PRSS55: variants seen among roughly 807,000 people sequenced by gnomAD.
PRSS55 encodes the protein probable serine protease UNQ9391/PRO34284.
PRSS55 carries 41 observed loss-of-function variants against 23.6 expected under a neutral mutation model. That is an observed-to-expected ratio of 1.74 (90% confidence interval 1.35 to 2.26). The LOEUF is 2.26. Among genes scored for constraint, PRSS55 ranks in the 30% most tolerant of loss-of-function variants. PRSS55 has a pLI of 0.00. For synonymous variants in PRSS55, 262 were observed against 175.5 expected, an observed-to-expected ratio of 1.49 and a Z score of -3.90; for missense variants, 669 against 439.1, an observed-to-expected ratio of 1.52 and a Z score of -4.68.
At chr8:10,553,248 T>A (rs1812990501) in intron 4 of PRSS55, among the ~76,000 whole-genome samples, 1 of 152,234 alleles carries the variant, frequency 6.6e-6, no homozygotes, top group African/African-American at 2.4e-5. Context: ...TTCACTCTCA[T>A]CTTCTGCCAT....
intron 4 of PRSS55, among the ~76,000 whole-genome samples, chr8:10,537,611 A>G (rs1033900455): frequency 3.3e-5 from 5 of 152,224 alleles, no homozygotes; most frequent in Admixed American, 2.6e-4. Flanking sequence ...AAACGTTCTT[A>G]ATACAAAGAA....
At chr8:10,546,543 C>T (rs1199962087) in intron 4 of PRSS55, among the ~76,000 whole-genome samples, 1 of 152,194 alleles carries the variant, frequency 6.6e-6, no homozygotes, top group Non-Finnish European at 1.5e-5. Context: ...AACCCAGCCT[C>T]AGGCAGCTCC....
chr8:10,530,224 C>G (rs1465902392), intron 2 of PRSS55, among the ~76,000 whole-genome samples: 1 of 152,206 alleles, frequency 6.6e-6, no homozygotes, highest in Admixed American at 6.5e-5. Flanking sequence ...CATCCCAGCA[C>G]TTCGGGAGGC....
intron 1 of PRSS55, 100 bp downstream of exon 1, chr8:10,525,839 C>G (rs76472837): frequency 0.074 from 92,826 of 1,262,902 alleles, 3,828 homozygotes; most frequent in Non-Finnish European, 0.084. Flanking sequence ...AGCTCCAGGG[C>G]TCCCCACATA....
At chr8:10,525,765 G>C (rs1331798249) in intron 1 of PRSS55, 26 bp downstream of exon 1, 1 of 1,564,566 alleles carries the variant, frequency 6.4e-7, no homozygotes, top group East Asian at 2.4e-5. Context: ...GAAGGGGCAT[G>C]GATGGGGGCT....
At chr8:10,549,194 T>A (rs1215035270) in intron 4 of PRSS55, among the ~76,000 whole-genome samples, 2 of 152,108 alleles carry the variant, frequency 1.3e-5, no homozygotes, top group African/African-American at 2.4e-5. Flanking sequence ...CGGGGGCAGA[T>A]GAAGGATGGA....
intron 1 of PRSS55, among the ~76,000 whole-genome samples, chr8:10,529,026 T>G (rs183154283): frequency 9.3e-4 from 142 of 152,302 alleles, no homozygotes; most frequent in African/African-American, 3.2e-3. Context: ...CAGCATCACG[T>G]TCCCACTCTG....
chr8:10,531,245 G>A (rs1812246247), intron 2 of PRSS55, 50 bp from the exon 3 acceptor site: 2 of 1,603,156 alleles, frequency 1.2e-6, no homozygotes, highest in Non-Finnish European at 1.7e-6. Context: ...TGCCGCTTTT[G>A]AGACTTCCCT....
rs778087515 is a variant in PRSS55, at chr8:10,538,780, C to T, written c.1046C>T (p.Ala349Val). The T allele has an allele frequency of 1.9e-6, 3 of 1,563,138 alleles. No homozygotes were observed. In the Admixed American group the frequency reaches 6.0e-5, roughly 31 times the overall value. ...CCCCTGTCCCATGTGTTGTTCAGAGCTATTTTGTACTGATAATAAAATAGA... is the reference window on the plus strand; with the variant it reads ...CCCCTGTCCCATGTGTTGTTCAGAGTTATTTTGTACTGATAATAAAATAGA... The part of the protein sequence containing the change: ...LCPLSHVLFR[A>V]ILY Residue 349 changes from alanine (A) to valine (V), a missense_variant, in exon 5 of 5, where the codon GCT (alanine) becomes GTT (valine). By Grantham distance (64) the Ala-to-Val change is moderately conservative. Coordinates refer to ENST00000328655, the MANE Select transcript of PRSS55 (RefSeq NM_198464.4).
rs142994737 is a variant in PRSS55 at position 10,538,553 on chromosome 8, A to T, written c.819A>T (p.Gly273=). ...ACCAGGTGGGCATCATAAGCTGGGG[A>T]AAGAGCTGTGGAGAGAAGAACACCC... ...KWYQVGIISW[G]KSCGEKNTPG... The change falls in exon 5 of 5, where the codon GGA becomes GGT. Residue 273 remains glycine (G), a synonymous_variant. Coordinates refer to ENST00000328655, the MANE Select transcript of PRSS55 (RefSeq NM_198464.4). The T allele has an allele frequency of 3.7e-6, 6 of 1,613,982 alleles. No individual in the cohort carries two copies. Among genetic ancestry groups the T allele is most frequent in the Admixed American group, 3.3e-5 (2 of 60,000 alleles).
At chr8:10,546,371 C>G (rs552143532) in intron 4 of PRSS55, among the ~76,000 whole-genome samples, 1 of 152,316 alleles carries the variant, frequency 6.6e-6, no homozygotes, top group Admixed American at 6.5e-5. Flanking sequence ...CCCTATAACC[C>G]TCAGCGCTAG....
At chr8:10,530,332 G>A (rs1371873703) in intron 2 of PRSS55, among the ~76,000 whole-genome samples, 1 of 152,314 alleles carries the variant, frequency 6.6e-6, no homozygotes, top group East Asian at 1.9e-4. Flanking sequence ...AAAATTAGCT[G>A]GGCGCGGTGG....
rs377046911 is a variant in PRSS55, at chr8:10,532,172, C to T, written c.598+627C>T. 1.1e-3 allele frequency among the ~76,000 whole-genome samples: 165 copies of T among 152,238 alleles called. 2 individuals carry two copies. Among genetic ancestry groups the T allele is most frequent in the African/African-American group, 2.5e-3 (104 of 41,534 alleles). On this transcript the variant is annotated intron_variant, in intron 3 of 4. Coordinates refer to ENST00000328655, the MANE Select transcript of PRSS55 (RefSeq NM_198464.4). ...CTCGATCCACAGGGATGATTTGCAG[C>T]GAGCCTGGGCCTGGACAACCGTGGG...
At position 10,538,556 on chromosome 8, in the gene PRSS55, G is replaced by C; in HGVS notation, c.822G>C (p.Lys274Asn). 1.2e-6 allele frequency: 2 copies of C among 1,614,168 alleles called. No homozygotes were observed. The highest frequency in any genetic ancestry group is 1.7e-6 in the Non-Finnish European group (2 of 1,180,008). The change falls in exon 5 of 5, where the codon AAG becomes AAC. Residue 274 changes from lysine (K) to asparagine (N), a missense_variant. Transcript: ENST00000328655. Reference sequence around the variant, plus strand: ...AGGTGGGCATCATAAGCTGGGGAAAGAGCTGTGGAGAGAAGAACACCCCAG... The same window carrying C: ...AGGTGGGCATCATAAGCTGGGGAAACAGCTGTGGAGAGAAGAACACCCCAG... ...WYQVGIISWG[K>N]SCGEKNTPGI...
At chr8:10,549,602 A>C (rs1224510073) in intron 4 of PRSS55, among the ~76,000 whole-genome samples, 4 of 152,290 alleles carry the variant, frequency 2.6e-5, no homozygotes, top group South Asian at 2.1e-4. Context: ...CTAAGATGCG[A>C]AACAAGGCCC....
At chr8:10,542,941 GTGTCTGTGGCTGTTT>G (rs1323763394), downstream of PRSS55, among the ~76,000 whole-genome samples, 1 of 151,516 alleles carries the variant, frequency 6.6e-6, no homozygotes, top group African/African-American at 2.4e-5. Flanking sequence ...CAAGGCTCAG[GTGTCTGTGGCTGTTT>G]TGTCTGCTCT....
At chr8:10,535,706 T>TA (rs1812430555) in intron 4 of PRSS55, among the ~76,000 whole-genome samples, 2 of 151,988 alleles carry the variant, frequency 1.3e-5, no homozygotes, top group Admixed American at 1.3e-4. Context: ...TGCAACAAAA[T>TA]AAAACGTTGG....
At chr8:10,552,797 G>GGAAT (rs1812980372) in intron 4 of PRSS55, among the ~76,000 whole-genome samples, 1 of 152,034 alleles carries the variant, frequency 6.6e-6, no homozygotes, top group South Asian at 2.1e-4. Flanking sequence ...TGGAGAAAGG[G>GGAAT]GAATGTTTGT....
At chr8:10,539,590 C>T (rs1485172495), downstream of PRSS55, among the ~76,000 whole-genome samples, 1 of 152,216 alleles carries the variant, frequency 6.6e-6, no homozygotes, top group Non-Finnish European at 1.5e-5. Context: ...GTGGGAGGGA[C>T]CCACTGGGAG....
Sources: gnomAD v4.1 joint callset for allele counts (sites outside exome capture counted in the v4.1 genomes callset) on GRCh38, gnomAD v4.1.1 for gene constraint, MANE v1.5 for transcripts, NCBI Gene and HGNC (gene_info 2026-07-23, HGNC 2026-07-21) for gene names.